Variants in PLEKHA5 observed in about 807,000 individuals in gnomAD.
PLEKHA5 encodes the protein pleckstrin homology domain containing A5.
PLEKHA5 carries 55 observed loss-of-function variants against 181.9 expected under a neutral mutation model. The observed-to-expected ratio is 0.30, with a 90% CI of 0.24 to 0.38. The LOEUF (loss-of-function observed/expected upper bound fraction) is 0.38, where lower values mean the gene tolerates loss of function less well. Among genes scored for constraint, PLEKHA5 ranks in the 10% least tolerant of loss-of-function variants. The pLI, the probability that PLEKHA5 is intolerant of heterozygous loss-of-function variation, is 1.00. For missense variants in PLEKHA5, 1,432 were observed against 1,549.5 expected, an observed-to-expected ratio of 0.92 and a Z score of 1.27; for synonymous variants, 535 against 529.4, an observed-to-expected ratio of 1.01 and a Z score of -0.15.
In PLEKHA5 at chr12:19,283,149, CAAAAAAA is replaced by C. The variant is rs34391812; in HGVS notation, c.1314-113_1314-107del. On this transcript the variant is annotated intron_variant, in intron 11 of 31. Transcript: ENST00000429027. ...GCAACAGAGCGAGACTCTTGTCTCCCAAAAAAAAAAAAAAAAAAAAAAAATTCTAATG... is the reference window on the plus strand; with the variant it reads ...GCAACAGAGCGAGACTCTTGTCTCCCAAAAAAAAAAAAAAAAATTCTAATG... The C allele has an allele frequency of 1.9e-3, 381 of 204,054 alleles. 4 individuals carry two copies. The South Asian group carries it at 0.019, about 10-fold the overall frequency. The allele number at this position is 204,054 out of a possible 1,614,324, so 12.6% of individuals were successfully genotyped here. A position where few individuals can be genotyped will look rare whatever the true frequency, so the allele number is the denominator to read the frequency against.
chr12:19,261,048 A>G, intron 7 of PLEKHA5, 27 bp downstream of exon 7: 1 of 1,254,762 alleles, frequency 8.0e-7, no homozygotes, highest in South Asian at 1.3e-5. Context: ...GTCTTAGTGT[A>G]TTATTTTGTA....
intron 3 of PLEKHA5, among the ~76,000 whole-genome samples, chr12:19,239,678 T>C (rs1489539629): frequency 6.6e-6 from 1 of 151,948 alleles, no homozygotes; most frequent in African/African-American, 2.4e-5. Flanking sequence ...CATAAACATA[T>C]TGTTAGTCAA....
intron 3 of PLEKHA5, chr12:19,152,146 G>T (rs748785047): frequency 1.3e-5 from 2 of 152,146 alleles, no homozygotes; most frequent in Admixed American, 6.6e-5. Context: ...GATTACAGGC[G>T]TGAGCCACCG....
chr12:19,287,090 C>T (rs1429447899), intron 12 of PLEKHA5, among the ~76,000 whole-genome samples: 17 of 152,112 alleles, frequency 1.1e-4, no homozygotes, highest in South Asian at 2.1e-4. Flanking sequence ...CTCTGCCTCC[C>T]GGGGTCAAGC....
At chr12:19,311,017 G>A (rs989560740) in intron 15 of PLEKHA5, among the ~76,000 whole-genome samples, 1 of 152,134 alleles carries the variant, frequency 6.6e-6, no homozygotes, top group Non-Finnish European at 1.5e-5. Flanking sequence ...AGCTGTGGCA[G>A]TTCCTTAAAA....
At chr12:19,227,914 TGTGATGTGAA>T (rs2059918431) in intron 3 of PLEKHA5, among the ~76,000 whole-genome samples, 2 of 152,342 alleles carry the variant, frequency 1.3e-5, no homozygotes, top group South Asian at 2.1e-4. Flanking sequence ...AAACTTGTTT[TGTGATGTGAA>T]CTTAAGTTCA....
chr12:19,210,780 A>T (rs2056743339), intron 3 of PLEKHA5, among the ~76,000 whole-genome samples: 1 of 152,216 alleles, frequency 6.6e-6, no homozygotes, highest in Non-Finnish European at 1.5e-5. Context: ...AAGGTTAATA[A>T]GAAGTAGAAA....
chr12:19,322,354 T>C lies in PLEKHA5; in HGVS notation c.2262T>C (p.Ala754=). The change falls in exon 19 of 32, where the codon GCT becomes GCC. Residue 754 remains alanine, a synonymous_variant. Transcript: ENST00000429027. ...GTGAACAAGATAAAGTGGTGCATGC[T>C]CTGGAAGAGAAACTTCAGCAACTCC... ...RLCEQDKVVH[A]LEEKLQQLHK... The C allele has an allele frequency of 6.2e-7, 1 of 1,613,660 alleles. No individual in the cohort carries two copies. The highest frequency in any genetic ancestry group is 8.5e-7 in the Non-Finnish European group (1 of 1,179,630).
chr12:19,179,717 A>G (rs912408606), intron 3 of PLEKHA5, among the ~76,000 whole-genome samples: 2 of 152,166 alleles, frequency 1.3e-5, no homozygotes, highest in African/African-American at 4.8e-5. Context: ...TTTAGAGCGT[A>G]AATTTTTCCC....
At chr12:19,254,944 T>C in intron 4 of PLEKHA5, 101 bp from the exon 5 acceptor site, 2 of 971,664 alleles carry the variant, frequency 2.1e-6, no homozygotes, top group Middle Eastern at 2.3e-4. Context: ...ATCCAAGTAC[T>C]GTGAAAAAGT....
At chr12:19,268,812 G>A (rs993727738) in intron 8 of PLEKHA5, among the ~76,000 whole-genome samples, 1 of 152,108 alleles carries the variant, frequency 6.6e-6, no homozygotes, top group Non-Finnish European at 1.5e-5. Flanking sequence ...CCCACTCAGG[G>A]AGTCCAGTAA....
intron 3 of PLEKHA5, among the ~76,000 whole-genome samples, chr12:19,206,590 G>A (rs1347257107): frequency 2.6e-5 from 4 of 152,048 alleles, no homozygotes; most frequent in African/African-American, 4.8e-5. Context: ...GGGTGGGAAC[G>A]ATAGGAAGAG....
intron 3 of PLEKHA5, among the ~76,000 whole-genome samples, chr12:19,156,851 C>A (rs1567947): frequency 0.89 from 131,854 of 148,436 alleles, 59,423 homozygotes; most frequent in Non-Finnish European, 0.97. Context: ...TAGAGACCAG[C>A]CTGGCCAACA....
intron 29 of PLEKHA5, among the ~76,000 whole-genome samples, chr12:19,365,608 C>A (rs1033823017): frequency 6.6e-6 from 1 of 151,942 alleles, no homozygotes; most frequent in Non-Finnish European, 1.5e-5. Flanking sequence ...TTATGAGGCA[C>A]CAGGAAAATT....
intron 8 of PLEKHA5, among the ~76,000 whole-genome samples, 174 bp downstream of exon 8, chr12:19,266,024 G>A (rs1165866876): frequency 6.6e-5 from 10 of 152,070 alleles, no homozygotes; most frequent in East Asian, 1.9e-4. Flanking sequence ...TAGGAAGCAC[G>A]TGCTAAAATA....
intron 26 of PLEKHA5, among the ~76,000 whole-genome samples, chr12:19,354,738 T>C (rs547725675): frequency 1.3e-5 from 2 of 152,210 alleles, no homozygotes; most frequent in East Asian, 3.9e-4. Context: ...CGCCTCGGCC[T>C]CCCAAACTGC....
At chr12:19,267,548 T>C (rs2070895571) in intron 8 of PLEKHA5, among the ~76,000 whole-genome samples, 1 of 152,076 alleles carries the variant, frequency 6.6e-6, no homozygotes, top group Non-Finnish European at 1.5e-5. Flanking sequence ...TAGTCCTTGC[T>C]ACTGGGGAGG....
At chr12:19,325,280 A>G (rs532176567) in intron 20 of PLEKHA5, among the ~76,000 whole-genome samples, 1 of 152,260 alleles carries the variant, frequency 6.6e-6, no homozygotes, top group South Asian at 2.1e-4. Context: ...GATCCTAGCT[A>G]CTTAGGAGAC....
rs374234540 is a variant in PLEKHA5, at chr12:19,137,289, G to A, written c.227+4839G>A. Among the ~76,000 whole-genome samples, 15 of 152,162 alleles carry A rather than the reference G, an allele frequency of 9.9e-5. No homozygotes were observed. The East Asian group carries it at 1.7e-3, about 18-fold the overall frequency. On this transcript the variant is annotated intron_variant, in intron 3 of 31. Transcript: ENST00000429027. ...TGACCTCAGGTGATCCGCCCACCTC[G>A]GCGTCCCAAAGTGCTGGGATTACCA...
Sources: gnomAD v4.1 joint callset for allele counts (sites outside exome capture counted in the v4.1 genomes callset) on GRCh38, gnomAD v4.1.1 for gene constraint, MANE v1.5 for transcripts, NCBI Gene and HGNC (gene_info 2026-07-23, HGNC 2026-07-21) for gene names.